Variants in JDP2 observed in about 807,000 individuals in gnomAD.
The protein encoded by JDP2 is progesterone receptor co-activator.
A neutral mutation model predicts 17.1 loss-of-function variants in JDP2; 9 were observed. The observed-to-expected ratio is 0.53, with a 90% CI of 0.32 to 0.92. JDP2 has a LOEUF of 0.92. Among genes scored for constraint, JDP2 ranks in the 40% least tolerant of loss-of-function variants. JDP2 has a pLI of 0.04. For missense variants in JDP2, 179 were observed against 220.0 expected, an observed-to-expected ratio of 0.81 and a Z score of 1.18; for synonymous variants, 107 against 95.6, an observed-to-expected ratio of 1.12 and a Z score of -0.69.
At position 75,428,172 on chromosome 14, in the gene JDP2, G is replaced by A. The variant is rs1884613689; in HGVS notation, c.-104G>A. The A allele has an allele frequency of 6.8e-6, 1 of 146,004 alleles. No homozygotes were observed. Among genetic ancestry groups the A allele is most frequent in the Admixed American group, 6.8e-5 (1 of 14,708 alleles). 9.0% of individuals were successfully genotyped at this position (146,004 alleles called of 1,614,324 possible). A position where few individuals can be genotyped will look rare whatever the true frequency, so the allele number is the denominator to read the frequency against. Reference sequence around the variant, plus strand: ...ACCGGGCGGAGCTCCGCGGCCGGGCGGCAGCGGCGCGGAGCGGGCACGGCG... The same window carrying A: ...ACCGGGCGGAGCTCCGCGGCCGGGCAGCAGCGGCGCGGAGCGGGCACGGCG... On this transcript the variant is annotated 5_prime_UTR_variant, in exon 1 of 4. Transcript: ENST00000651602. This position sits in a 1 kb window ranked among gnomAD's most constrained non-coding sequence, Gnocchi z 5.6.
At chr14:75,456,218 G>A (rs761681956) in intron 2 of JDP2, among the ~76,000 whole-genome samples, 18 of 152,324 alleles carry the variant, frequency 1.2e-4, no homozygotes, top group South Asian at 4.1e-4. Flanking sequence ...CCAAGACAGC[G>A]TCTTTCTCTG....
At chr14:75,435,511 G>A (rs74393219) in intron 1 of JDP2, among the ~76,000 whole-genome samples, 1,716 of 152,216 alleles carry the variant, frequency 0.011, 29 homozygotes, top group African/African-American at 0.039. Context: ...TGAAGGCGTC[G>A]TTACCTATTG....
intron 2 of JDP2, among the ~76,000 whole-genome samples, chr14:75,440,419 T>A (rs754882828): frequency 6.6e-6 from 1 of 152,312 alleles, no homozygotes; most frequent in South Asian, 2.1e-4. Context: ...AGCTGAAGAA[T>A]CTATGGTCTG....
intron 2 of JDP2, among the ~76,000 whole-genome samples, chr14:75,439,997 A>G (rs1265973603): frequency 6.6e-6 from 1 of 152,222 alleles, no homozygotes; most frequent in East Asian, 1.9e-4. Context: ...TCTCCTCTGC[A>G]AAAGGCACTG....
chr14:75,467,956 A>G lies in JDP2; in HGVS notation c.307-1334A>G, dbSNP rs182604308. 2.0e-5 allele frequency among the ~76,000 whole-genome samples: 3 copies of G among 152,152 alleles called. No homozygotes were observed. In the East Asian group the frequency reaches 5.8e-4, roughly 29 times the overall value. The stretch of plus-strand genomic sequence containing the variant: ...TCCCGGGCACTCATGCTGCCACCTC[A>G]GAGATGAGCCAAGGAACAGTTCGGT... On this transcript the variant is annotated intron_variant, in intron 3 of 3. Transcript: ENST00000651602.
At chr14:75,447,448 A>G (rs1253066590) in intron 2 of JDP2, among the ~76,000 whole-genome samples, 1 of 147,452 alleles carries the variant, frequency 6.8e-6, no homozygotes, top group Non-Finnish European at 1.5e-5. Flanking sequence ...AATTTTATCT[A>G]TTATTAAAAA....
chr14:75,460,025 A>T (rs1340682028), intron 2 of JDP2, among the ~76,000 whole-genome samples: 1 of 152,250 alleles, frequency 6.6e-6, no homozygotes, highest in Non-Finnish European at 1.5e-5. Context: ...AGTAATAGTA[A>T]CTTCCTCATA....
intron 2 of JDP2, among the ~76,000 whole-genome samples, chr14:75,454,974 G>A (rs1030368645): frequency 2.6e-5 from 4 of 152,128 alleles, no homozygotes; most frequent in Admixed American, 1.3e-4. Flanking sequence ...CACTGCAGCC[G>A]TCCAGTGCAG....
chr14:75,441,257 G>A (rs564925212), intron 2 of JDP2, among the ~76,000 whole-genome samples: 5 of 152,284 alleles, frequency 3.3e-5, no homozygotes, highest in African/African-American at 4.8e-5. Context: ...CTGTCCAAAC[G>A]CATGGAGCAA....
At position 75,449,440 on chromosome 14, in the gene JDP2, TTTG is replaced by T. The variant is rs554770249; in HGVS notation, c.201+11328_201+11330del. Among the ~76,000 whole-genome samples, 41 of 152,338 alleles carry T rather than the reference TTTG, an allele frequency of 2.7e-4. No individual in the cohort carries two copies. In the South Asian group the frequency reaches 8.3e-3, roughly 31 times the overall value. ...AGTGTAATCAAGGCATATTACACCATTTGTTGTTGTTAAAGAGTCAGTTTCAGC... is the reference window on the plus strand; with the variant it reads ...AGTGTAATCAAGGCATATTACACCATTTGTTGTTAAAGAGTCAGTTTCAGC... On this transcript the variant is annotated intron_variant, in intron 2 of 3. Coordinates refer to ENST00000651602, the MANE Select transcript of JDP2 (RefSeq NM_001135048.2).
At chr14:75,447,034 A>G (rs1042285559) in intron 2 of JDP2, among the ~76,000 whole-genome samples, 4 of 152,224 alleles carry the variant, frequency 2.6e-5, no homozygotes, top group African/African-American at 9.6e-5. Flanking sequence ...CAAGGAGAAC[A>G]ATCTGATAGG....
At chr14:75,442,563 G>T (rs939839888) in intron 2 of JDP2, among the ~76,000 whole-genome samples, 4 of 151,984 alleles carry the variant, frequency 2.6e-5, no homozygotes, top group Non-Finnish European at 5.9e-5. Flanking sequence ...TTCCTTGATC[G>T]CTCTACCTCC....
intron 2 of JDP2, among the ~76,000 whole-genome samples, chr14:75,441,485 A>G (rs1391020236): frequency 1.3e-5 from 2 of 152,218 alleles, no homozygotes; most frequent in Non-Finnish European, 2.9e-5. Context: ...AGCTACAGAT[A>G]AAGCAGTCAA....
At chr14:75,432,423 T>G in intron 1 of JDP2, 1 of 1,307,398 alleles carries the variant, frequency 7.6e-7, no homozygotes, top group Non-Finnish European at 1.1e-6. Context: ...GTCCTGGGAA[T>G]CTTCCCAGGC....
intron 2 of JDP2, chr14:75,445,024 T>G (rs556191840): frequency 1.2e-6 from 1 of 826,172 alleles, no homozygotes; most frequent in Admixed American, 6.2e-5. Context: ...CAACAATCTT[T>G]TAGCAGCCTT....
intron 1 of JDP2, among the ~76,000 whole-genome samples, chr14:75,436,446 G>A (rs188493735): frequency 1.3e-5 from 2 of 152,382 alleles, no homozygotes; most frequent in East Asian, 3.9e-4. Context: ...TTTTCCCTCA[G>A]GAGTGCTAAG....
intron 3 of JDP2, among the ~76,000 whole-genome samples, chr14:75,464,713 A>T (rs1041072515): frequency 2.0e-5 from 3 of 152,178 alleles, no homozygotes; most frequent in Non-Finnish European, 4.4e-5. Flanking sequence ...CACCTGGAAG[A>T]TTCTTAACTG....
In JDP2 at chr14:75,428,132, G is replaced by T; in HGVS notation, c.-144G>T. 6.8e-6 allele frequency: 1 copy of T among 146,188 alleles called. No homozygotes were observed. The highest frequency in any genetic ancestry group is 1.9e-4 in the South Asian group (1 of 5,158). The allele number at this position is 146,188 out of a possible 1,614,324, so 9.1% of individuals were successfully genotyped here. A position where few individuals can be genotyped will look rare whatever the true frequency, so the allele number is the denominator to read the frequency against. On this transcript the variant is annotated 5_prime_UTR_variant, in exon 1 of 4. Transcript: ENST00000651602. This position sits in a 1 kb window ranked among gnomAD's most constrained non-coding sequence, Gnocchi z 5.6. ...CTGGCGCCGCGGCGGCTCCCGGGCC[G>T]GGACAGGCCTGGGCACCGGGCGGAG...
At chr14:75,432,978 G>A (rs1884879211) in intron 1 of JDP2, among the ~76,000 whole-genome samples, 1 of 151,772 alleles carries the variant, frequency 6.6e-6, no homozygotes, top group African/African-American at 2.4e-5. Context: ...GAGGCGGGTG[G>A]ATCACCTGAG....
Sources: gnomAD v4.1 joint callset for allele counts (sites outside exome capture counted in the v4.1 genomes callset) on GRCh38, gnomAD v4.1.1 for gene constraint, Gnocchi (gnomAD v3.1) non-coding constraint, MANE v1.5 for transcripts, NCBI Gene and HGNC (gene_info 2026-07-23, HGNC 2026-07-21) for gene names.